Variants in CNR2 observed in about 807,000 individuals in gnomAD.
CNR2 encodes the protein cannabinoid receptor 2 (macrophage).
For missense variants in CNR2, 379 were observed against 439.9 expected (o/e 0.86, Z 1.24); for synonymous variants, 172 against 182.2 (o/e 0.94, Z 0.45).
intron 1 of CNR2, among the ~76,000 whole-genome samples, chr1:23,894,628 C>T (rs1279577191): frequency 2.6e-5 from 3 of 113,378 alleles, no homozygotes; most frequent in Non-Finnish European, 5.2e-5. Context: ...ACCGTGAAAC[C>T]CCATCTGTAT....
rs558092466 is a variant in CNR2 at position 23,901,812 on chromosome 1, G to C, written c.-46+11434C>G. 6.9e-6 allele frequency: 11 copies of C among 1,596,154 alleles called. 1 individual carries two copies. In the South Asian group the frequency reaches 9.9e-5, roughly 14 times the overall value. The stretch of plus-strand genomic sequence containing the variant: ...CCAGAGCTGGACCCACACAGGCCTA[G>C]CCCCGCAATAAATACCCTTCTGTCC... On this transcript the variant is annotated intron_variant, in intron 1 of 1. Coordinates refer to ENST00000374472, the MANE Select transcript of CNR2 (RefSeq NM_001841.3).
chr1:23,897,301 C>T lies in CNR2; in HGVS notation c.-46+15945G>A, dbSNP rs79505416. ...GAGCTGGCGAGAGAAAGGCAGATCACGAAAGCCTGGGGCAGAAGTTCTCAA... is the reference window on the plus strand; with the variant it reads ...GAGCTGGCGAGAGAAAGGCAGATCATGAAAGCCTGGGGCAGAAGTTCTCAA... On this transcript the variant is annotated intron_variant, in intron 1 of 1. Coordinates refer to ENST00000374472, the MANE Select transcript of CNR2 (RefSeq NM_001841.3). Among the ~76,000 whole-genome samples, 1,335 of 152,132 alleles carry T rather than the reference C, an allele frequency of 8.8e-3. 13 individuals are homozygous for T. The highest frequency in any genetic ancestry group is 0.027 in the Middle Eastern group (8 of 294).
intron 1 of CNR2, among the ~76,000 whole-genome samples, chr1:23,876,717 C>T (rs1430338510): frequency 1.3e-5 from 2 of 151,804 alleles, no homozygotes; most frequent in Non-Finnish European, 1.5e-5. Context: ...TGCCTGTAGT[C>T]CCAGCTACTT....
intron 1 of CNR2, among the ~76,000 whole-genome samples, chr1:23,899,457 A>G (rs1325119682): frequency 1.3e-5 from 2 of 152,116 alleles, no homozygotes; most frequent in African/African-American, 4.8e-5. Flanking sequence ...TTCCCAAAGT[A>G]CACCTCCTTC....
intron 1 of CNR2, among the ~76,000 whole-genome samples, chr1:23,892,655 T>C (rs1640209548): frequency 6.6e-6 from 1 of 152,134 alleles, no homozygotes; most frequent in South Asian, 2.1e-4. Flanking sequence ...CTTTTAGTGG[T>C]TTCTAATGCC....
At chr1:23,890,432 A>C (rs1461111000) in intron 1 of CNR2, among the ~76,000 whole-genome samples, 1 of 152,046 alleles carries the variant, frequency 6.6e-6, no homozygotes, top group Non-Finnish European at 1.5e-5. Context: ...AAACTTGTTC[A>C]ACCTGCAAGA....
intron 1 of CNR2, among the ~76,000 whole-genome samples, chr1:23,900,990 G>T (rs1283381991): frequency 6.6e-6 from 1 of 152,078 alleles, no homozygotes; most frequent in Non-Finnish European, 1.5e-5. Context: ...GTTCACTCCC[G>T]TATCTTAAGT....
intron 1 of CNR2, among the ~76,000 whole-genome samples, chr1:23,905,315 G>C (rs1640470761): frequency 6.6e-6 from 1 of 150,850 alleles, no homozygotes. Context: ...CAAGTAGCTG[G>C]GATTACAGGT....
At position 23,875,431 on chromosome 1, in the gene CNR2, G is replaced by T. The variant is rs769611593; in HGVS notation, c.187C>A (p.Gln63Lys). Residue 63 changes from glutamine (Q) to lysine (K), a missense_variant, in exon 2 of 2, where the codon CAA becomes AAA. Coordinates refer to ENST00000374472, the MANE Select transcript of CNR2 (RefSeq NM_001841.3). The part of the protein sequence containing the change: ...AVLYLILSSH[Q>K]LRRKPSYLFI... ...AGGTATGAGGGCTTCCGGCGGAGTT[G>T]GTGGGAGGACAGGATCAGATAGAGC... The T allele has an allele frequency of 1.2e-6, 2 of 1,614,226 alleles. No homozygotes were observed. Among genetic ancestry groups the T allele is most frequent in the Non-Finnish European group, 1.7e-6 (2 of 1,180,040 alleles).
intron 1 of CNR2, chr1:23,901,436 C>G (rs1640397035): frequency 6.6e-7 from 1 of 1,513,604 alleles, no homozygotes; most frequent in Non-Finnish European, 8.9e-7. Context: ...TCCCCTCCAT[C>G]CACTCGCCGA....
chr1:23,880,528 T>C (rs890719784), intron 1 of CNR2, among the ~76,000 whole-genome samples: 3 of 152,078 alleles, frequency 2.0e-5, no homozygotes, highest in Non-Finnish European at 2.9e-5. Flanking sequence ...ATTTTTTCCA[T>C]ACCACTATCA....
chr1:23,903,677 G>A (rs942000903), intron 1 of CNR2, among the ~76,000 whole-genome samples: 1 of 152,042 alleles, frequency 6.6e-6, no homozygotes, highest in Admixed American at 6.6e-5. Context: ...CTGTGAAACA[G>A]CCTTGCAGAA....
intron 1 of CNR2, among the ~76,000 whole-genome samples, chr1:23,876,086 A>G (rs1639869492): frequency 6.6e-6 from 1 of 152,246 alleles, no homozygotes; most frequent in South Asian, 2.1e-4. Flanking sequence ...CGGCAAGTAA[A>G]GTACTGAAGT....
rs1195518264 is a variant in CNR2, at chr1:23,894,703, C to T, written c.-46+18543G>A. ...ATCACTTGAACCTGGGAAGCAGAGG[C>T]TGCAGTGAGCCACGATCCTGCCACT... On this transcript the variant is annotated intron_variant, in intron 1 of 1. Transcript: ENST00000374472. Among the ~76,000 whole-genome samples the T allele has an allele frequency of 7.4e-5, 11 of 147,962 alleles. No homozygotes were observed. In the Admixed American group the frequency reaches 7.5e-4, roughly 10 times the overall value.
rs1413945198 is a variant in CNR2, at chr1:23,871,286, C to T, written c.*3249G>A. The T allele has an allele frequency of 6.6e-6, 1 of 151,594 alleles. No individual in the cohort carries two copies. The highest frequency in any genetic ancestry group is 1.5e-5 in the Non-Finnish European group (1 of 67,938). 9.4% of individuals were successfully genotyped at this position (151,594 alleles called of 1,614,324 possible). ...TTTATTCATTCAAGAAGTATTTACT[C>T]AGTGCTTGTTTGTGCCAGGCACTTG... On this transcript the variant is annotated 3_prime_UTR_variant, in exon 2 of 2. Coordinates refer to ENST00000374472, the MANE Select transcript of CNR2 (RefSeq NM_001841.3).
At position 23,902,458 on chromosome 1, in the gene CNR2, G is replaced by A. The variant is rs1202169900; in HGVS notation, c.-46+10788C>T. On this transcript the variant is annotated intron_variant, in intron 1 of 1. Coordinates refer to ENST00000374472, the MANE Select transcript of CNR2 (RefSeq NM_001841.3). The stretch of plus-strand genomic sequence containing the variant: ...ACGATGTACTTCTTAGCAGCCTACA[G>A]AGTGGCCAGCACCGTATCCGCTTCC... The A allele has an allele frequency of 3.8e-6, 6 of 1,596,246 alleles. No individual in the cohort carries two copies. The Admixed American group carries it at 1.0e-4, about 27-fold the overall frequency.
intron 1 of CNR2, among the ~76,000 whole-genome samples, chr1:23,896,707 A>T (rs1237530578): frequency 1.3e-5 from 2 of 152,128 alleles, no homozygotes; most frequent in African/African-American, 4.8e-5. Context: ...TTTAGAGATG[A>T]AAGAACAGGA....
chr1:23,890,602 G>A (rs7541728), intron 1 of CNR2, among the ~76,000 whole-genome samples: 126,851 of 151,570 alleles, frequency 0.84, 53,224 homozygotes, highest in Non-Finnish European at 0.85. Context: ...AAAATTAGCC[G>A]GGCGTGGTGG....
intron 1 of CNR2, among the ~76,000 whole-genome samples, chr1:23,897,806 CTT>C (rs1640309632): frequency 6.6e-6 from 1 of 152,022 alleles, no homozygotes; most frequent in Non-Finnish European, 1.5e-5. Context: ...TGGCAAATCT[CTT>C]TAATTGTCTG....
Sources: allele counts gnomAD v4.1 joint callset (sites outside exome capture counted in the v4.1 genomes callset), GRCh38; gene constraint gnomAD v4.1.1; transcripts MANE v1.5; gene names NCBI Gene and HGNC (gene_info 2026-07-23, HGNC 2026-07-21).